Variants in SLC4A7 observed in about 807,000 individuals in gnomAD.
The protein encoded by SLC4A7 is solute carrier family 4 member 7, also known as sodium bicarbonate cotransporter 3.
Under a neutral mutation model 137.6 loss-of-function variants are expected in SLC4A7, and 51 were observed. That is an observed-to-expected ratio of 0.37 (90% CI 0.30 to 0.47). The LOEUF is 0.47. Among genes scored for constraint, SLC4A7 ranks in the 20% least tolerant of loss-of-function variants. The probability of loss-of-function intolerance (pLI) is 1.00; values close to 1 mark genes in which losing one functional copy is unlikely to be tolerated. For synonymous variants in SLC4A7, 542 were observed against 518.6 expected, an observed-to-expected ratio of 1.05 and a Z score of -0.61; for missense variants, 1,247 against 1,525.4, an observed-to-expected ratio of 0.82 and a Z score of 3.04.
chr3:27,389,109 C>A (rs2051271946), intron 22 of SLC4A7, among the ~76,000 whole-genome samples: 2 of 151,784 alleles, frequency 1.3e-5, no homozygotes, highest in East Asian at 1.9e-4. Flanking sequence ...TTAAAAAAAA[C>A]AACTTAGTTG....
intron 18 of SLC4A7, among the ~76,000 whole-genome samples, chr3:27,395,321 A>T (rs1285054885): frequency 6.6e-6 from 1 of 152,184 alleles, no homozygotes; most frequent in Non-Finnish European, 1.5e-5. Context: ...TGACTCAGTC[A>T]ATCTTTCCAC....
chr3:27,410,876 C>T (rs1466526408), intron 12 of SLC4A7, among the ~76,000 whole-genome samples: 1 of 152,118 alleles, frequency 6.6e-6, no homozygotes, highest in Non-Finnish European at 1.5e-5. Context: ...ATGCCAGTTA[C>T]TTATTTTTAT....
chr3:27,379,303 C>G lies in SLC4A7; in HGVS notation c.3644G>C (p.Trp1215Ser), dbSNP rs1333621939. ...ISDEMAKTAQWKALSMNTENA... is the reference protein window; with the variant it reads ...ISDEMAKTAQSKALSMNTENA... ...CTCAGTATTCATGGAAAGTGCCTTC[C>G]ACTGTGCAGTTTTGGCCATTTCATC... Residue 1215 changes from tryptophan (W) to serine (S), a missense_variant, in exon 25 of 26, where the codon TGG (tryptophan) becomes TCG (serine). Coordinates refer to ENST00000454389, the MANE Select transcript of SLC4A7 (RefSeq NM_001321103.2). 6.5e-7 allele frequency: 1 copy of G among 1,535,900 alleles called. No individual in the cohort carries two copies. Among genetic ancestry groups the G allele is most frequent in the Non-Finnish European group, 8.7e-7 (1 of 1,146,586 alleles).
chr3:27,401,794 C>A (rs2052768373), intron 15 of SLC4A7, among the ~76,000 whole-genome samples: 1 of 152,140 alleles, frequency 6.6e-6, no homozygotes, highest in Admixed American at 6.5e-5. Flanking sequence ...GGAAACACTG[C>A]TCTAACTGGC....
chr3:27,411,897 T>A (rs73151806), intron 11 of SLC4A7, 149 bp from the exon 12 acceptor site: 10,238 of 403,244 alleles, frequency 0.025, 899 homozygotes, highest in African/African-American at 0.19. Context: ...TAAACTCTCT[T>A]CTGAAATAGA....
intron 11 of SLC4A7, 44 bp from the exon 12 acceptor site, chr3:27,411,792 A>G: frequency 1.9e-6 from 2 of 1,060,304 alleles, no homozygotes; most frequent in South Asian, 2.1e-5. Flanking sequence ...CTATTTTAAG[A>G]AAACTTGAGA....
At chr3:27,443,337 T>G (rs975980782) in intron 3 of SLC4A7, among the ~76,000 whole-genome samples, 15 of 152,132 alleles carry the variant, frequency 9.9e-5, no homozygotes, top group Non-Finnish European at 2.1e-4. Flanking sequence ...GCCCTCTAAT[T>G]AGTTTTCTAA....
intron 3 of SLC4A7, among the ~76,000 whole-genome samples, chr3:27,444,448 T>A (rs115372919): frequency 4.6e-5 from 7 of 152,330 alleles, no homozygotes; most frequent in Non-Finnish European, 8.8e-5. Flanking sequence ...CATATTAGAC[T>A]ACATGATATT....
intron 1 of SLC4A7, among the ~76,000 whole-genome samples, chr3:27,454,339 G>A (rs1244680291): frequency 3.3e-5 from 5 of 152,026 alleles, no homozygotes; most frequent in Admixed American, 6.6e-5. Flanking sequence ...GGTAGCGGGC[G>A]CCTGTAATCC....
At chr3:27,385,795 G>A (rs2050880108) in intron 23 of SLC4A7, 97 bp downstream of exon 23, 2 of 795,450 alleles carry the variant, frequency 2.5e-6, no homozygotes, top group Non-Finnish European at 3.9e-6. Context: ...AGGATGAAAG[G>A]AACTGATTCA....
intron 1 of SLC4A7, among the ~76,000 whole-genome samples, chr3:27,466,278 C>T (rs1309356267): frequency 1.3e-5 from 2 of 151,092 alleles, no homozygotes; most frequent in East Asian, 4.0e-4. Context: ...GGTGAAACCC[C>T]GTCTCTACTA....
intron 18 of SLC4A7, among the ~76,000 whole-genome samples, chr3:27,395,763 T>C (rs966511265): frequency 3.3e-5 from 5 of 152,224 alleles, no homozygotes; most frequent in African/African-American, 7.2e-5. Context: ...GTTTGTTATG[T>C]AGAAATTGAT....
At chr3:27,410,960 A>G (rs1314649091) in intron 12 of SLC4A7, among the ~76,000 whole-genome samples, 1 of 151,192 alleles carries the variant, frequency 6.6e-6, no homozygotes, top group East Asian at 1.9e-4. Context: ...TTTTTTTTAC[A>G]CAAAGATTTA....
chr3:27,457,168 C>T (rs372920356), intron 1 of SLC4A7, among the ~76,000 whole-genome samples: 2 of 151,632 alleles, frequency 1.3e-5, no homozygotes, highest in African/African-American at 4.8e-5. Flanking sequence ...TCCTGAAGAC[C>T]GAAAAGGACC....
intron 1 of SLC4A7, among the ~76,000 whole-genome samples, chr3:27,469,613 C>T (rs1372266470): frequency 1.3e-5 from 2 of 152,046 alleles, no homozygotes; most frequent in South Asian, 2.1e-4. Context: ...ATTAGCCGGG[C>T]GTGGTGGCAC....
intron 12 of SLC4A7, among the ~76,000 whole-genome samples, chr3:27,409,787 T>C (rs1261893594): frequency 2.0e-5 from 3 of 152,230 alleles, no homozygotes; most frequent in Non-Finnish European, 4.4e-5. Context: ...CAAATGATTT[T>C]ATATGAGTAA....
chr3:27,470,172 T>C (rs113484532), intron 1 of SLC4A7, among the ~76,000 whole-genome samples: 4,123 of 152,260 alleles, frequency 0.027, 92 homozygotes, highest in Middle Eastern at 0.041. Context: ...TTGCAATATT[T>C]CAAGTTATTT....
At chr3:27,439,758 T>C (rs1240545941) in intron 3 of SLC4A7, among the ~76,000 whole-genome samples, 2 of 152,326 alleles carry the variant, frequency 1.3e-5, no homozygotes, top group African/African-American at 4.8e-5. Context: ...AGTACAGTGT[T>C]ATATAAAAGT....
intron 24 of SLC4A7, among the ~76,000 whole-genome samples, chr3:27,380,939 T>A (rs1330425308): frequency 6.6e-6 from 1 of 152,206 alleles, no homozygotes; most frequent in African/African-American, 2.4e-5. Context: ...AGGTATATAT[T>A]TTTTTCCCTC....
Sources: gnomAD v4.1 joint callset for allele counts (sites outside exome capture counted in the v4.1 genomes callset) on GRCh38, gnomAD v4.1.1 for gene constraint, MANE v1.5 for transcripts, NCBI Gene and HGNC (gene_info 2026-07-23, HGNC 2026-07-21) for gene names.